Variants in C13orf46 observed in about 807,000 individuals in gnomAD.
The protein encoded by C13orf46 is chromosome 13 open reading frame 46.
At chr13:113,945,760 T>G in the C13orf46 span, among the ~76,000 whole-genome samples, 41 of 152,306 alleles carry the variant, frequency 2.7e-4, no homozygotes, top group African/African-American at 9.6e-4. Flanking sequence ...ATGTAGCTCA[T>G]TTTGTTCCTC....
chr13:113,932,786 CTA>C, the C13orf46 span, among the ~76,000 whole-genome samples: 2 of 151,928 alleles, frequency 1.3e-5, no homozygotes, highest in Non-Finnish European at 2.9e-5. Context: ...CTTTCCCAAA[CTA>C]AAAGTCACCA....
At chr13:113,927,132 C>G in the C13orf46 span, 5 of 161,178 alleles carry the variant, frequency 3.1e-5, no homozygotes, top group Non-Finnish European at 6.8e-5. Context: ...AAAGTTCTGT[C>G]CGACAAAATA....
At chr13:113,944,085 C>T in the C13orf46 span, among the ~76,000 whole-genome samples, 15 of 152,164 alleles carry the variant, frequency 9.9e-5, no homozygotes, top group African/African-American at 7.2e-5. Flanking sequence ...CCAGTCACCC[C>T]GGGATGGATC....
chr13:113,931,145 C>T, the C13orf46 span, among the ~76,000 whole-genome samples: 7 of 152,350 alleles, frequency 4.6e-5, no homozygotes, highest in South Asian at 2.1e-4. Flanking sequence ...AGACGCCAGA[C>T]GTGACTGGCA....
At chr13:113,958,658 C>G (rs930136961) in intron 6 of C13orf46, among the ~76,000 whole-genome samples, 8 of 152,242 alleles carry the variant, frequency 5.3e-5, no homozygotes, top group African/African-American at 1.2e-4. Context: ...GGCTCGCGGG[C>G]GACAGCCTCA....
At chr13:113,935,085 G>T in the C13orf46 span, among the ~76,000 whole-genome samples, 3 of 152,234 alleles carry the variant, frequency 2.0e-5, no homozygotes, top group African/African-American at 7.2e-5. Context: ...TTTTGCTTCC[G>T]ACGTTACAAG....
the C13orf46 span, among the ~76,000 whole-genome samples, chr13:113,944,068 A>G: frequency 3.9e-5 from 6 of 152,132 alleles, no homozygotes; most frequent in Non-Finnish European, 8.8e-5. Flanking sequence ...CCAAGGCCTC[A>G]CAGACCCCAG....
At chr13:113,930,525 A>T in the C13orf46 span, among the ~76,000 whole-genome samples, 3 of 152,184 alleles carry the variant, frequency 2.0e-5, no homozygotes, top group Non-Finnish European at 4.4e-5. Context: ...CTCGCCTCCA[A>T]ATCAGGCTGC....
At chr13:113,951,791 C>T (rs1395437686), downstream of C13orf46, among the ~76,000 whole-genome samples, 3 of 152,228 alleles carry the variant, frequency 2.0e-5, no homozygotes, top group Non-Finnish European at 4.4e-5. Context: ...TAGAGATGTG[C>T]TGAACTCGAC....
downstream of C13orf46, among the ~76,000 whole-genome samples, chr13:113,949,101 T>C (rs928018618): frequency 4.1e-4 from 62 of 152,334 alleles, no homozygotes; most frequent in East Asian, 0.011. Context: ...GACCAATGAC[T>C]TAATCAATCA....
intron 6 of C13orf46, among the ~76,000 whole-genome samples, chr13:113,958,649 G>C (rs1346903711): frequency 6.6e-6 from 1 of 152,260 alleles, no homozygotes; most frequent in Non-Finnish European, 1.5e-5. Flanking sequence ...TGGACAGACG[G>C]CTCGCGGGCG....
chr13:113,960,287 T>C (rs1224169867), intron 6 of C13orf46, among the ~76,000 whole-genome samples: 4 of 152,290 alleles, frequency 2.6e-5, no homozygotes, highest in South Asian at 2.1e-4. Context: ...ATATTAAATA[T>C]ACATTAATAC....
chr13:113,934,043 G>A, the C13orf46 span, among the ~76,000 whole-genome samples: 1 of 152,174 alleles, frequency 6.6e-6, no homozygotes. Context: ...ATCCCCACAG[G>A]TGTGAGGTGT....
At chr13:113,949,893 G>A (rs1234147563), downstream of C13orf46, among the ~76,000 whole-genome samples, 1 of 150,660 alleles carries the variant, frequency 6.6e-6, no homozygotes, top group Non-Finnish European at 1.5e-5. Context: ...CATCTGTAGA[G>A]TGGGGTCCTC....
Position 113,954,848 on chromosome 13 carries a change from A to T in C13orf46, c.*1925T>A. Reference sequence around the variant, plus strand: ...GGTGGAGATGAGGAGCATCCGGTGGAGATGAGGAGCATCTCGTGGGGAGGA... The same window carrying T: ...GGTGGAGATGAGGAGCATCCGGTGGTGATGAGGAGCATCTCGTGGGGAGGA... On this transcript the variant is annotated 3_prime_UTR_variant, in exon 7 of 7. Coordinates refer to ENST00000636427, the MANE Select transcript of C13orf46 (RefSeq NM_001365455.2). 1.0e-5 allele frequency: 1 copy of T among 95,478 alleles called. No homozygotes were observed. Among genetic ancestry groups the T allele is most frequent in the Non-Finnish European group, 2.5e-5 (1 of 39,368 alleles). 5.9% of individuals were successfully genotyped at this position (95,478 alleles called of 1,614,324 possible).
At chr13:113,961,328 G>A (rs1296979663) in intron 6 of C13orf46, among the ~76,000 whole-genome samples, 2 of 151,652 alleles carry the variant, frequency 1.3e-5, no homozygotes, top group Non-Finnish European at 2.9e-5. Flanking sequence ...TTTTGATAAT[G>A]TCCAATTGTA....
chr13:113,938,801 G>A, the C13orf46 span, among the ~76,000 whole-genome samples: 1 of 152,096 alleles, frequency 6.6e-6, no homozygotes, highest in Non-Finnish European at 1.5e-5. Flanking sequence ...CTGTCTCCAG[G>A]TTTTGCTCAA....
chr13:113,946,055 T>TCCAGTTCACCGCACTGTGGCCTG, the C13orf46 span, among the ~76,000 whole-genome samples: 1 of 152,130 alleles, frequency 6.6e-6, no homozygotes, highest in African/African-American at 2.4e-5. Flanking sequence ...TCACCGTGAG[T>TCCAGTTCACCGCACTGTGGCCTG]GAATGCCGCG....
chr13:113,927,245 G>C, the C13orf46 span: 10 of 298,676 alleles, frequency 3.3e-5, no homozygotes, highest in Non-Finnish European at 6.2e-5. Flanking sequence ...GGGAGCTCTG[G>C]TCAGTGAAAC....
Sources: allele counts gnomAD v4.1 joint callset (sites outside exome capture counted in the v4.1 genomes callset), GRCh38; gene constraint gnomAD v4.1.1; transcripts MANE v1.5; gene names NCBI Gene and HGNC (gene_info 2026-07-23, HGNC 2026-07-21).